Variants in RAG1 observed in about 807,000 individuals in gnomAD.
RAG1 encodes V(D)J recombination-activating protein 1.
In RAG1, 35 loss-of-function variants were observed where a neutral mutation model predicts 62.7. The ratio of observed to expected loss-of-function variants is 0.56; its 90% confidence interval spans 0.43 to 0.74. RAG1 has a LOEUF of 0.74. Among genes scored for constraint, RAG1 ranks in the 30% least tolerant of loss-of-function variants. The pLI, the probability that RAG1 is intolerant of heterozygous loss-of-function variation, is 0.00. For synonymous variants in RAG1, 461 were observed against 470.3 expected (o/e 0.98, Z 0.26); for missense variants, 1,169 against 1,278.6 (o/e 0.91, Z 1.31).
chr11:36,518,938 A>G (rs1860036383), intron 1 of RAG1, among the ~76,000 whole-genome samples: 1 of 152,200 alleles, frequency 6.6e-6, no homozygotes, highest in East Asian at 1.9e-4. Flanking sequence ...CCTAAATGGT[A>G]TGAGTGTTCG....
At chr11:36,540,549 C>G (rs1056639282), downstream of RAG1, among the ~76,000 whole-genome samples, 4 of 152,054 alleles carry the variant, frequency 2.6e-5, no homozygotes. Context: ...GGACTACAGG[C>G]GCCCGCCACC....
chr11:36,547,470 A>G (rs569062340), intron 3 of RAG1, among the ~76,000 whole-genome samples: 10 of 152,314 alleles, frequency 6.6e-5, no homozygotes, highest in African/African-American at 2.4e-4. Context: ...CAGAAATACA[A>G]CTACCATCAG....
chr11:36,520,985 G>A (rs76188050), intron 2 of RAG1, among the ~76,000 whole-genome samples: 14,794 of 142,990 alleles, frequency 0.1, 808 homozygotes, highest in Middle Eastern at 0.11. Flanking sequence ...TTGAGTTGGA[G>A]TTTTGCTGTT....
At chr11:36,565,807 G>A (rs1850653041), upstream of RAG1, 1 of 152,172 alleles carries the variant, frequency 6.6e-6, no homozygotes. Flanking sequence ...CTTCTCAATA[G>A]GAGACAAGTG....
rs1389614116 is a variant in RAG1, at chr11:36,576,221, C to T, written c.2917C>T (p.Arg973Cys). The change falls in exon 2 of 2, where the codon CGC (arginine) becomes TGC (cysteine). Residue 973 changes from arginine to cysteine, a missense_variant. Transcript: ENST00000299440. Reference sequence around the variant, plus strand: ...TGAGTCTGGTAACAAACTGTTTAGGCGCTTCCGGAAAATGAATGCCAGGCA... The same window carrying T: ...TGAGTCTGGTAACAAACTGTTTAGGTGCTTCCGGAAAATGAATGCCAGGCA... ...GNESGNKLFR[R>C]FRKMNARQSK... 9.9e-6 allele frequency: 16 copies of T among 1,613,950 alleles called. No individual in the cohort carries two copies. Among genetic ancestry groups the T allele is most frequent in the Admixed American group, 1.7e-5 (1 of 59,996 alleles).
At chr11:36,570,353 T>C (rs201395382) in intron 1 of RAG1, among the ~76,000 whole-genome samples, 3 of 152,232 alleles carry the variant, frequency 2.0e-5, no homozygotes, top group East Asian at 3.8e-4. Context: ...TCTTTGCTAA[T>C]TGAATAGATA....
intron 2 of RAG1, among the ~76,000 whole-genome samples, chr11:36,528,512 G>A (rs7484161): frequency 0.98 from 149,226 of 152,212 alleles, 73,201 homozygotes; most frequent in Non-Finnish European, 1. Context: ...AGGGAAATTT[G>A]TAGCATTAAG....
rs1850822284 is a variant in RAG1 at position 36,575,147 on chromosome 11, G to A, written c.1843G>A (p.Gly615Arg). The A allele has an allele frequency of 6.2e-7, 1 of 1,613,990 alleles. No homozygotes were observed. The highest frequency in any genetic ancestry group is 1.3e-5 in the African/African-American group (1 of 74,906). Reference sequence around the variant, plus strand: ...AGACGTGAGTGAGAAGCATGGGAGTGGGCCTGTAGTTCCAGAAAAGGCAGT... The same window carrying A: ...AGACGTGAGTGAGAAGCATGGGAGTAGGCCTGTAGTTCCAGAAAAGGCAGT... ...MGDVSEKHGS[G>R]PVVPEKAVRF... Residue 615 changes from glycine (G) to arginine (R), a missense_variant, in exon 2 of 2, where the codon GGG becomes AGG. By Grantham distance (125) the Gly-to-Arg change is moderately radical. Transcript: ENST00000299440. The surrounding 1 kb of genome is among the most constrained non-coding windows in gnomAD (Gnocchi z 4.1).
chr11:36,515,029 C>T (rs577671897), intron 1 of RAG1, among the ~76,000 whole-genome samples: 5 of 152,282 alleles, frequency 3.3e-5, no homozygotes, highest in African/African-American at 1.2e-4. Context: ...CAGCAGGCTT[C>T]AGATCAGAGT....
chr11:36,518,764 T>G (rs1860033438), intron 1 of RAG1, among the ~76,000 whole-genome samples: 1 of 152,238 alleles, frequency 6.6e-6, no homozygotes, highest in Non-Finnish European at 1.5e-5. Context: ...ATGAGTAGAT[T>G]GCAAAAATTT....
At chr11:36,551,440 T>A (rs1449949375) in intron 3 of RAG1, among the ~76,000 whole-genome samples, 1 of 152,006 alleles carries the variant, frequency 6.6e-6, no homozygotes, top group East Asian at 1.9e-4. Context: ...GTGGAATTGG[T>A]TTCTCTGAGG....
At chr11:36,573,177 T>C in intron 1 of RAG1, 114 bp from the exon 2 acceptor site, 2 of 1,067,406 alleles carry the variant, frequency 1.9e-6, no homozygotes, top group Non-Finnish European at 2.7e-6. Context: ...ATTTAATACA[T>C]ATCTTTTGGA....
intron 1 of RAG1, among the ~76,000 whole-genome samples, chr11:36,568,605 A>T (rs922584468): frequency 6.6e-6 from 1 of 152,220 alleles, no homozygotes; most frequent in Non-Finnish European, 1.5e-5. Context: ...AGAATCACTG[A>T]ATGTTTAAAA....
downstream of RAG1, among the ~76,000 whole-genome samples, chr11:36,538,593 C>T (rs376316434): frequency 1.3e-5 from 2 of 152,176 alleles, no homozygotes; most frequent in African/African-American, 4.8e-5. Context: ...CAGCATAAAT[C>T]TTACATGCGT....
chr11:36,525,606 CAT>C (rs1318611321), intron 2 of RAG1, among the ~76,000 whole-genome samples: 3 of 152,068 alleles, frequency 2.0e-5, no homozygotes, highest in Admixed American at 6.6e-5. Context: ...AAATCCTTTA[CAT>C]GTTTCGTACG....
intron 2 of RAG1, among the ~76,000 whole-genome samples, chr11:36,521,436 T>G (rs567419457): frequency 6.6e-6 from 1 of 152,350 alleles, no homozygotes; most frequent in South Asian, 2.1e-4. Flanking sequence ...TTCTCTTGTC[T>G]GCTGCCATGT....
At chr11:36,544,889 T>G (rs1850371174) in intron 3 of RAG1, among the ~76,000 whole-genome samples, 1 of 152,220 alleles carries the variant, frequency 6.6e-6, no homozygotes, top group African/African-American at 2.4e-5. Context: ...GCAACCATGC[T>G]TCCCCTTTGC....
intron 1 of RAG1, among the ~76,000 whole-genome samples, chr11:36,513,951 TC>T (rs918500255): frequency 1.1e-4 from 17 of 152,248 alleles, no homozygotes; most frequent in African/African-American, 3.9e-4. Context: ...CCAAACCATA[TC>T]AAACAGGATA....
At position 36,577,701 on chromosome 11, in the gene RAG1, A is replaced by G. The variant is rs1262629875; in HGVS notation, c.*1265A>G. 1.8e-5 allele frequency: 3 copies of G among 167,076 alleles called. No homozygotes were observed. In the Admixed American group the frequency reaches 2.0e-4, roughly 11 times the overall value. The allele number at this position is 167,076 out of a possible 1,614,324, so 10.3% of individuals were successfully genotyped here. On this transcript the variant is annotated 3_prime_UTR_variant, in exon 2 of 2. Coordinates refer to ENST00000299440, the MANE Select transcript of RAG1 (RefSeq NM_000448.3). Reference sequence around the variant, plus strand: ...TGATGGGGGTTTAAATGATTTGCTCAAAGTCATTTAGGGGTAATAAATACT... The same window carrying G: ...TGATGGGGGTTTAAATGATTTGCTCGAAGTCATTTAGGGGTAATAAATACT...
Sources: allele counts gnomAD v4.1 joint callset (sites outside exome capture counted in the v4.1 genomes callset), GRCh38; gene constraint gnomAD v4.1.1; non-coding constraint Gnocchi (gnomAD v3.1); transcripts MANE v1.5; gene names NCBI Gene and HGNC (gene_info 2026-07-23, HGNC 2026-07-21).